The following C7 variants were observed in gnomAD, a reference collection of about 807,000 sequenced individuals.
C7 encodes the protein complement C7, also known as complement component C7.
In C7, 83 loss-of-function variants were observed where a neutral mutation model predicts 104.8. The ratio of observed to expected loss-of-function variants is 0.79; its 90% CI spans 0.66 to 0.95. C7 has a LOEUF of 0.95. C7 is among the 40% of genes least tolerant of loss of function. The pLI is 0.00. For synonymous variants in C7, 415 were observed against 360.6 expected (o/e 1.15, Z -1.71); for missense variants, 1,070 against 1,011.2 (o/e 1.06, Z -0.79).
chr5:40,962,178 T>A lies in C7; in HGVS notation c.1749+6T>A, dbSNP rs771022465. ...TGAAAGATGGATTTGTTCAAGTTGG[T>A]TATGAAAGATATTTTTTTCCTTTAT... is the stretch of plus-strand genomic sequence containing the variant. On this transcript the variant is annotated splice_donor_region_variant and intron_variant, in intron 13 of 17. Transcript: ENST00000313164. 2.0e-6 allele frequency: 3 copies of A among 1,508,804 alleles called. No individual in the cohort carries two copies. The highest frequency in any genetic ancestry group is 2.7e-5 in the African/African-American group (2 of 73,048). 93.5% of individuals were successfully genotyped at this position (1,508,804 alleles called of 1,614,324 possible).
chr5:40,950,834 G>C (rs1311386968), intron 9 of C7, among the ~76,000 whole-genome samples: 4 of 152,154 alleles, frequency 2.6e-5, no homozygotes, highest in Admixed American at 2.6e-4. Context: ...GGTGCATGCT[G>C]GTTGGCAGTG....
At chr5:40,916,600 C>G (rs1403440412) in intron 1 of C7, among the ~76,000 whole-genome samples, 2 of 152,162 alleles carry the variant, frequency 1.3e-5, no homozygotes, top group East Asian at 3.9e-4. Context: ...TTTAAGTCTA[C>G]TGAGTATTTT....
At chr5:40,946,821 G>C (rs1235863830) in intron 7 of C7, among the ~76,000 whole-genome samples, 2 of 151,942 alleles carry the variant, frequency 1.3e-5, no homozygotes, top group South Asian at 4.2e-4. Flanking sequence ...ACTTTGGGAG[G>C]CTGAGGCAAG....
chr5:40,912,955 A>G lies in C7; in HGVS notation c.6+3339A>G, dbSNP rs569013081. On this transcript the variant is annotated intron_variant, in intron 1 of 17. Coordinates refer to ENST00000313164, the MANE Select transcript of C7 (RefSeq NM_000587.4). The stretch of plus-strand genomic sequence containing the variant: ...ATTTCTCATCACTCTTCCCCTTTCT[A>G]TCCCCAACTCTTCTGAGTCTCCAAT... Among the ~76,000 whole-genome samples, 6 of 152,158 alleles carry G rather than the reference A, an allele frequency of 3.9e-5. No homozygotes were observed. The East Asian group carries it at 1.2e-3, about 29-fold the overall frequency.
At chr5:40,958,848 T>C (rs1439956433) in intron 11 of C7, among the ~76,000 whole-genome samples, 1 of 152,226 alleles carries the variant, frequency 6.6e-6, no homozygotes, top group African/African-American at 2.4e-5. Flanking sequence ...TTACTTAAGG[T>C]CAGGGCTGTT....
chr5:40,942,806 C>T (rs6879235), intron 6 of C7, among the ~76,000 whole-genome samples: 17,765 of 150,404 alleles, frequency 0.12, 2,254 homozygotes, highest in African/African-American at 0.32. Flanking sequence ...TGCTATGTCA[C>T]CAGGCTGGAG....
chr5:40,962,865 A>G (rs770374260), intron 13 of C7, among the ~76,000 whole-genome samples: 6 of 151,998 alleles, frequency 3.9e-5, no homozygotes, highest in African/African-American at 7.3e-5. Flanking sequence ...CTCACAAGGG[A>G]TTTTGCTTTT....
Position 40,958,224 on chromosome 5 carries a change from G to A in C7, c.1452G>A (p.Ala484=), listed in dbSNP as rs373200862. The change falls in exon 11 of 18, where the codon GCG becomes GCA. Residue 484 remains alanine (A), a synonymous_variant. Coordinates refer to ENST00000313164, the MANE Select transcript of C7 (RefSeq NM_000587.4). ...LCHCKPYTFG[A]ACEQGVLVGN... ...ATTGCAAACCGTACACATTTGGTGC[G>A]GCGTGTGAGCAAGGAGTCCTCGTAG... 107 of 1,611,776 alleles carry A rather than the reference G, an allele frequency of 6.6e-5. No individual in the cohort carries two copies. The highest frequency in any genetic ancestry group is 3.3e-4 in the Middle Eastern group (2 of 6,038).
intron 1 of C7, among the ~76,000 whole-genome samples, chr5:40,914,804 T>C (rs1230412545): frequency 1.3e-5 from 2 of 152,176 alleles, no homozygotes. Flanking sequence ...AATGCTACCC[T>C]ATGCACATTT....
chr5:40,977,952 G>A (rs904353080), intron 16 of C7, among the ~76,000 whole-genome samples: 2 of 151,920 alleles, frequency 1.3e-5, no homozygotes, highest in African/African-American at 4.8e-5. Flanking sequence ...TGGGCAATAT[G>A]GTGAAACCCC....
chr5:40,979,847 G>T lies in C7; in HGVS notation c.2288G>T (p.Cys763Phe). The T allele has an allele frequency of 6.2e-7, 1 of 1,612,076 alleles. No individual in the cohort carries two copies. ...RNYTLTGRDSCTLPASAEKAC... is the reference protein window; with the variant it reads ...RNYTLTGRDSFTLPASAEKAC... The stretch of plus-strand genomic sequence containing the variant: ...TACACCCTTACTGGTAGGGACAGCT[G>T]TACTCTGCCTGCCTCAGCTGAGAAA... Residue 763 changes from cysteine (C) to phenylalanine (F), a missense_variant, in exon 17 of 18, where the codon TGT becomes TTT. Coordinates refer to ENST00000313164, the MANE Select transcript of C7 (RefSeq NM_000587.4).
At chr5:40,954,103 C>T (rs1740235786) in intron 9 of C7, among the ~76,000 whole-genome samples, 2 of 152,058 alleles carry the variant, frequency 1.3e-5, no homozygotes, top group Admixed American at 6.6e-5. Flanking sequence ...AAGAAGCTTC[C>T]ATTAGCATTT....
In C7 at chr5:40,979,888, C is replaced by T; in HGVS notation, c.2329C>T (p.Pro777Ser). Residue 777 changes from proline (P) to serine (S), a missense_variant, in exon 17 of 18, where the codon CCA becomes TCA. Pro to Ser is a moderately conservative substitution (Grantham distance 74). Coordinates refer to ENST00000313164, the MANE Select transcript of C7 (RefSeq NM_000587.4). The part of the protein sequence containing the change: ...ASAEKACGAC[P>S]LWGKCDAESS... ...AGCTGAGAAAGCTTGTGGTGCCTGC[C>T]CACTGTGGGGAAAATGTGATGGTAA... 6.3e-7 allele frequency: 1 copy of T among 1,590,760 alleles called. No individual in the cohort carries two copies. Among genetic ancestry groups the T allele is most frequent in the Non-Finnish European group, 8.6e-7 (1 of 1,165,906 alleles).
chr5:40,951,716 C>A (rs1328482524), intron 9 of C7, among the ~76,000 whole-genome samples: 1 of 152,104 alleles, frequency 6.6e-6, no homozygotes, highest in Non-Finnish European at 1.5e-5. Context: ...ATAGACTGAG[C>A]AGTATCAGAG....
chr5:40,973,865 C>G (rs183352406), intron 15 of C7, among the ~76,000 whole-genome samples: 1 of 152,016 alleles, frequency 6.6e-6, no homozygotes, highest in Non-Finnish European at 1.5e-5. Flanking sequence ...TTTCATTTAC[C>G]CAGTAGAAAA....
rs1359885953 is a variant in C7 at position 40,968,566 on chromosome 5, T to TA, written c.1882+3693_1882+3694insA. ...TTTCAACTTAAAACAATTATATATATTTTATATATATATATATATATATAT... is the reference window on the plus strand; with the variant it reads ...TTTCAACTTAAAACAATTATATATATATTTATATATATATATATATATATAT... On this transcript the variant is annotated intron_variant, in intron 14 of 17. Coordinates refer to ENST00000313164, the MANE Select transcript of C7 (RefSeq NM_000587.4). Among the ~76,000 whole-genome samples the TA allele has an allele frequency of 2.6e-3, 155 of 58,848 alleles. 1 individual carries two copies. The highest frequency in any genetic ancestry group is 7.6e-3 in the African/African-American group (106 of 13,932). The allele number at this position is 58,848 out of a possible 152,430, so 38.6% of individuals were successfully genotyped here.
intron 8 of C7, 53 bp downstream of exon 8, chr5:40,947,898 G>GAAATA (rs1740085570): frequency 5.2e-6 from 8 of 1,528,782 alleles, no homozygotes; most frequent in Non-Finnish European, 7.2e-6. Context: ...TTTTAATGGG[G>GAAATA]AAATAACATG....
At chr5:40,951,531 G>A (rs1484484724) in intron 9 of C7, among the ~76,000 whole-genome samples, 8 of 152,154 alleles carry the variant, frequency 5.3e-5, no homozygotes, top group Admixed American at 2.6e-4. Context: ...CACTACCTGG[G>A]TGTTGGGATC....
chr5:40,964,984 T>C (rs1013981126), intron 14 of C7, 111 bp downstream of exon 14: 5 of 1,216,640 alleles, frequency 4.1e-6, no homozygotes, highest in Admixed American at 2.1e-5. Context: ...TCCTTTCCTG[T>C]AAGGCTGACA....
Sources: gnomAD v4.1 joint callset for allele counts (sites outside exome capture counted in the v4.1 genomes callset) on GRCh38, gnomAD v4.1.1 for gene constraint, MANE v1.5 for transcripts, NCBI Gene and HGNC (gene_info 2026-07-23, HGNC 2026-07-21) for gene names.